The following PRPF6 variants were observed in gnomAD, a reference collection of about 807,000 sequenced individuals.
The protein encoded by PRPF6 is pre-mRNA-processing factor 6.
PRPF6 carries 42 observed loss-of-function variants against 118.3 expected under a neutral mutation model. The ratio of observed to expected loss-of-function variants is 0.35; its 90% CI spans 0.28 to 0.46. The LOEUF is 0.46. PRPF6 is among the 20% of genes least tolerant of loss of function. PRPF6 has a pLI of 1.00. For missense variants in PRPF6, 662 were observed against 1,255.7 expected (o/e 0.53, Z 7.15); for synonymous variants, 481 against 485.1 (o/e 0.99, Z 0.11).
At position 64,029,332 on chromosome 20, in the gene PRPF6, C is replaced by T. The variant is rs376042046; in HGVS notation, c.2432-45C>T. On this transcript the variant is annotated intron_variant, in intron 18 of 20. Transcript: ENST00000266079. This position sits in a 1 kb window ranked among gnomAD's most constrained non-coding sequence, Gnocchi z 4.8. ...TGTAGGCTGGGCACCTTTCCGGAAC[C>T]AGAGGCTGGAGTGCAAATCTTTGTT... is the stretch of plus-strand genomic sequence containing the variant. 1 of 1,575,736 alleles carries T rather than the reference C, an allele frequency of 6.3e-7. No homozygotes were observed. Among genetic ancestry groups the T allele is most frequent in the Non-Finnish European group, 8.7e-7 (1 of 1,145,902 alleles).
At chr20:63,988,356 G>GT (rs1487958008) in intron 3 of PRPF6, among the ~76,000 whole-genome samples, 1 of 151,520 alleles carries the variant, frequency 6.6e-6, no homozygotes, top group African/African-American at 2.4e-5. Context: ...AATTAGCCGG[G>GT]TGTGGGGGTG....
intron 3 of PRPF6, among the ~76,000 whole-genome samples, chr20:63,985,976 C>T (rs571611898): frequency 6.6e-6 from 1 of 152,274 alleles, no homozygotes; most frequent in African/African-American, 2.4e-5. Context: ...GTCAGTATCC[C>T]TGATGAACAC....
intron 3 of PRPF6, among the ~76,000 whole-genome samples, chr20:63,992,394 T>C (rs1487068757): frequency 6.6e-6 from 1 of 152,114 alleles, no homozygotes; most frequent in Non-Finnish European, 1.5e-5. Flanking sequence ...CCTGAGTAGC[T>C]GGGATAACAG....
intron 3 of PRPF6, among the ~76,000 whole-genome samples, chr20:63,987,169 CA>C (rs61702884): frequency 1.7e-3 from 87 of 52,426 alleles, no homozygotes; most frequent in African/African-American, 2.0e-3. Context: ...GACCCTGTCT[CA>C]AAAAAAAAAA....
intron 19 of PRPF6, among the ~76,000 whole-genome samples, chr20:64,030,039 T>TG (rs1017810486): frequency 2.0e-5 from 3 of 152,254 alleles, no homozygotes; most frequent in Admixed American, 6.5e-5. Flanking sequence ...TCTGGAACCT[T>TG]GCAGGCAGCA....
At chr20:64,023,261 A>G (rs1223672794) in intron 13 of PRPF6, among the ~76,000 whole-genome samples, 1 of 152,166 alleles carries the variant, frequency 6.6e-6, no homozygotes, top group Non-Finnish European at 1.5e-5. Flanking sequence ...TTTTCCATTT[A>G]AGCTGTGCTG....
chr20:64,021,592 C>T (rs2059264432), intron 12 of PRPF6, among the ~76,000 whole-genome samples: 1 of 139,868 alleles, frequency 7.1e-6, no homozygotes, highest in South Asian at 2.3e-4. Context: ...ATGCATATGC[C>T]TCAGCCACAG....
Position 64,031,888 on chromosome 20 carries a change from C to T in PRPF6, c.2547-30C>T, listed in dbSNP as rs371557973. ...CAGAATACCGTCCTGCAGCCACTCA[C>T]TCTGGGTTCACGTCCTTCTGCTGGA... On this transcript the variant is annotated intron_variant, in intron 19 of 20. Transcript: ENST00000266079. 53 of 1,613,828 alleles carry T rather than the reference C, an allele frequency of 3.3e-5. 2 individuals carry two copies. The African/African-American group carries it at 4.4e-4, about 13-fold the overall frequency.
intron 3 of PRPF6, among the ~76,000 whole-genome samples, chr20:63,991,686 AG>A (rs2059119421): frequency 6.6e-6 from 1 of 151,984 alleles, no homozygotes; most frequent in Non-Finnish European, 1.5e-5. Flanking sequence ...GCTACTCAGG[AG>A]GCTGAGGCAC....
intron 3 of PRPF6, among the ~76,000 whole-genome samples, 171 bp from the exon 4 acceptor site, chr20:63,993,236 G>A (rs970611730): frequency 7.5e-6 from 1 of 132,490 alleles, no homozygotes; most frequent in African/African-American, 3.0e-5. Flanking sequence ...ATGTGTGTGT[G>A]TGTGTGTGTG....
At chr20:64,032,815 C>T (rs749222127) in intron 20 of PRPF6, 26 bp from the exon 21 acceptor site, 10 of 1,591,104 alleles carry the variant, frequency 6.3e-6, no homozygotes, top group Non-Finnish European at 8.5e-6. Context: ...AGGACCCCTG[C>T]CTGACGTGCC....
Position 64,027,117 on chromosome 20 carries a change from A to G in PRPF6, c.2164A>G (p.Lys722Glu), listed in dbSNP as rs920019701. 6.2e-7 allele frequency: 1 copy of G among 1,613,894 alleles called. No individual in the cohort carries two copies. The highest frequency in any genetic ancestry group is 8.5e-7 in the Non-Finnish European group (1 of 1,180,018). ...GATGAAGGGGCAGATCGAGGAGCAG[A>G]AGGAGATGATGGAGAAGGCGCGGGA... ...WMMKGQIEEQ[K>E]EMMEKAREAY... Residue 722 changes from lysine (K) to glutamate (E), a missense_variant, in exon 16 of 21, where the codon AAG (lysine) becomes GAG (glutamate). This residue lies in a region of PRPF6 where 244 missense variants were observed against 383.7 expected (regional missense o/e 0.64). Coordinates refer to ENST00000266079, the MANE Select transcript of PRPF6 (RefSeq NM_012469.4). The surrounding 1 kb of genome is among the most constrained non-coding windows in gnomAD (Gnocchi z 6.5).
chr20:64,003,859 A>G (rs1311506921), intron 9 of PRPF6, among the ~76,000 whole-genome samples: 1 of 152,076 alleles, frequency 6.6e-6, no homozygotes, highest in Non-Finnish European at 1.5e-5. Context: ...CGGCCTCTCA[A>G]AGTGCTGGGA....
In PRPF6 at chr20:64,009,489, G is replaced by A. The variant is rs574195235; in HGVS notation, c.1187-711G>A. Among the ~76,000 whole-genome samples, 40 of 152,214 alleles carry A rather than the reference G, an allele frequency of 2.6e-4. No homozygotes were observed. The South Asian group carries it at 7.5e-3, about 28-fold the overall frequency. On this transcript the variant is annotated intron_variant, in intron 9 of 20. Coordinates refer to ENST00000266079, the MANE Select transcript of PRPF6 (RefSeq NM_012469.4). ...CATAATCCCAGCACTTTGGGAAGCC[G>A]AAGCGGGCGGATCACTTGAGATCAG...
Position 64,033,057 on chromosome 20 carries a change from G to A in PRPF6, c.*64G>A, listed in dbSNP as rs1601537386. 1.2e-6 allele frequency: 2 copies of A among 1,602,594 alleles called. No individual in the cohort carries two copies. The highest frequency in any genetic ancestry group is 2.2e-5 in the East Asian group (1 of 44,648). The stretch of plus-strand genomic sequence containing the variant: ...TGGGCCGCATGTGGAAGGGCTCTGA[G>A]CTGTGTCCTCCTTCATTAAAAGTTT... On this transcript the variant is annotated 3_prime_UTR_variant, in exon 21 of 21. Coordinates refer to ENST00000266079, the MANE Select transcript of PRPF6 (RefSeq NM_012469.4).
At chr20:64,022,595 A>G (rs1335552255) in intron 12 of PRPF6, among the ~76,000 whole-genome samples, 162 bp from the exon 13 acceptor site, 3 of 152,196 alleles carry the variant, frequency 2.0e-5, no homozygotes, top group African/African-American at 7.2e-5. Context: ...GGCGTGAGCC[A>G]CCGCACCTGG....
intron 12 of PRPF6, among the ~76,000 whole-genome samples, chr20:64,020,034 ATG>A (rs1320147390): frequency 6.6e-6 from 1 of 152,160 alleles, no homozygotes. Context: ...TGCCATTGTC[ATG>A]TTCATAGTTG....
chr20:64,008,296 A>G (rs2059199427), intron 9 of PRPF6, among the ~76,000 whole-genome samples: 1 of 152,154 alleles, frequency 6.6e-6, no homozygotes, highest in East Asian at 1.9e-4. Context: ...TCCTCACATC[A>G]GGGTTTGCTC....
intron 6 of PRPF6, 98 bp from the exon 7 acceptor site, chr20:63,998,947 C>G: frequency 1.3e-6 from 1 of 766,198 alleles, no homozygotes; most frequent in Non-Finnish European, 2.3e-6. Flanking sequence ...CTTCTGACTG[C>G]TCTCTCAGGG....
Sources: gnomAD v4.1 joint callset for allele counts (sites outside exome capture counted in the v4.1 genomes callset) on GRCh38, gnomAD v4.1.1 for gene constraint, gnomAD v4.1.1 regional missense constraint, Gnocchi (gnomAD v3.1) non-coding constraint, MANE v1.5 for transcripts, NCBI Gene and HGNC (gene_info 2026-07-23, HGNC 2026-07-21) for gene names.